PCDH9: variants seen among roughly 807,000 people sequenced by gnomAD.
PCDH9 encodes protocadherin-9.
PCDH9 carries 24 observed loss-of-function variants against 70.6 expected under a neutral mutation model. The observed-to-expected ratio is 0.34, with a 90% CI of 0.25 to 0.48. The LOEUF (loss-of-function observed/expected upper bound fraction) is 0.48. Ranked by LOEUF, PCDH9 falls within the 20% of genes least tolerant of loss-of-function variation. PCDH9 has a pLI of 0.99. For missense variants in PCDH9, 1,281 were observed against 1,503.6 expected (o/e 0.85, Z 2.45); for synonymous variants, 562 against 558.5 (o/e 1.01, Z -0.09).
chr13:66,574,050 T>C (rs536069383), intron 4 of PCDH9, among the ~76,000 whole-genome samples: 1 of 152,324 alleles, frequency 6.6e-6, no homozygotes, highest in Admixed American at 6.5e-5. Flanking sequence ...AAACACCACC[T>C]GTCAATAAAT....
chr13:67,186,100 A>T (rs546387010), intron 2 of PCDH9, among the ~76,000 whole-genome samples: 2 of 152,210 alleles, frequency 1.3e-5, no homozygotes, highest in African/African-American at 4.8e-5. Context: ...TAAAATATTT[A>T]TATATATAAA....
Position 67,228,076 on chromosome 13 carries a change from A to T in PCDH9, c.365T>A (p.Phe122Tyr), listed in dbSNP as rs554026094. 2.7e-5 allele frequency: 43 copies of T among 1,614,086 alleles called. No individual in the cohort carries two copies. In the African/African-American group the frequency reaches 3.7e-4, roughly 14 times the overall value. Residue 122 changes from phenylalanine (F) to tyrosine (Y), a missense_variant, in exon 2 of 5, where the codon TTC becomes TAC. Phe to Tyr is a conservative substitution (Grantham distance 22). This residue lies in a region of PCDH9 where 798 missense variants were observed against 1,003.1 expected (regional missense o/e 0.80). Coordinates refer to ENST00000377865, the MANE Select transcript of PCDH9 (RefSeq NM_203487.3). The stretch of plus-strand genomic sequence containing the variant: ...TATTTTTATTTTGATCAGCCTGAAG[A>T]AATCATTGGGGAGGATCACCACCTC... ...ELEVVILPNDFFRLIKIKIIV... is the reference protein window; with the variant it reads ...ELEVVILPNDYFRLIKIKIIV...
At chr13:66,804,271 G>T (rs1266187309) in intron 3 of PCDH9, among the ~76,000 whole-genome samples, 1 of 152,088 alleles carries the variant, frequency 6.6e-6, no homozygotes, top group Non-Finnish European at 1.5e-5. Flanking sequence ...GCCTTTCCAA[G>T]GTTTTGTTTA....
intron 4 of PCDH9, among the ~76,000 whole-genome samples, chr13:66,489,757 T>A (rs541267118): frequency 6.6e-6 from 1 of 152,240 alleles, no homozygotes; most frequent in African/African-American, 2.4e-5. Context: ...ACAAAATGAG[T>A]GAAGAAGCCT....
At chr13:67,062,119 G>A (rs1413460994) in intron 2 of PCDH9, among the ~76,000 whole-genome samples, 5 of 152,140 alleles carry the variant, frequency 3.3e-5, no homozygotes, top group Non-Finnish European at 5.9e-5. Flanking sequence ...CAGCTTGGGC[G>A]ATGTGTCTTA....
chr13:67,208,778 G>T (rs1291430705), intron 2 of PCDH9: 1 of 152,144 alleles, frequency 6.6e-6, no homozygotes, highest in South Asian at 2.1e-4. Flanking sequence ...TCTTTGATAC[G>T]AGTAGTTGGA....
intron 4 of PCDH9, among the ~76,000 whole-genome samples, chr13:66,442,882 T>C (rs973450843): frequency 6.6e-6 from 1 of 152,214 alleles, no homozygotes; most frequent in African/African-American, 2.4e-5. Context: ...CTAATTTACC[T>C]TCATGATTAA....
At chr13:66,551,823 G>A (rs777403259) in intron 4 of PCDH9, among the ~76,000 whole-genome samples, 3 of 152,090 alleles carry the variant, frequency 2.0e-5, no homozygotes, top group Non-Finnish European at 4.4e-5. Context: ...CACATATAAT[G>A]TAGGACAGCA....
intron 2 of PCDH9, chr13:66,914,927 T>C (rs756576323): frequency 5.9e-5 from 9 of 151,732 alleles, no homozygotes; most frequent in Admixed American, 2.0e-4. Flanking sequence ...TGTGTGTTTT[T>C]TTCCTGCAGT....
chr13:67,045,099 G>A (rs1394101232), intron 2 of PCDH9, among the ~76,000 whole-genome samples: 3 of 152,090 alleles, frequency 2.0e-5, no homozygotes, highest in Non-Finnish European at 4.4e-5. Context: ...GGACAGGACA[G>A]GTTTATTCAG....
intron 3 of PCDH9, among the ~76,000 whole-genome samples, chr13:66,698,450 GCTA>G (rs1220101656): frequency 3.3e-5 from 5 of 152,180 alleles, no homozygotes; most frequent in Admixed American, 1.3e-4. Context: ...TTTACATAGT[GCTA>G]CTACTATTTG....
chr13:66,629,241 G>T (rs1456037240), intron 4 of PCDH9, among the ~76,000 whole-genome samples: 5 of 152,146 alleles, frequency 3.3e-5, no homozygotes, highest in African/African-American at 1.2e-4. Flanking sequence ...AACAATTTGT[G>T]CAACTGTTTT....
intron 3 of PCDH9, among the ~76,000 whole-genome samples, chr13:66,790,299 T>A (rs1013647755): frequency 3.3e-5 from 5 of 152,282 alleles, no homozygotes; most frequent in Non-Finnish European, 7.4e-5. Context: ...GGTTGTTTTC[T>A]TATTGATTCC....
At chr13:66,411,894 G>A (rs1957376739) in intron 4 of PCDH9, among the ~76,000 whole-genome samples, 1 of 152,052 alleles carries the variant, frequency 6.6e-6, no homozygotes, top group Non-Finnish European at 1.5e-5. Context: ...TAGAATGGGG[G>A]GCTGCTCCCA....
intron 4 of PCDH9, among the ~76,000 whole-genome samples, chr13:66,471,661 T>A (rs1958621974): frequency 6.6e-6 from 1 of 152,210 alleles, no homozygotes; most frequent in Non-Finnish European, 1.5e-5. Flanking sequence ...AATTATTATC[T>A]TTTTTCACAT....
At chr13:66,928,058 C>G (rs2082744480) in intron 2 of PCDH9, among the ~76,000 whole-genome samples, 1 of 152,056 alleles carries the variant, frequency 6.6e-6, no homozygotes, top group African/African-American at 2.4e-5. Flanking sequence ...AGGAAAGACA[C>G]ATTTAACATA....
At chr13:66,320,563 T>C (rs1467906199) in intron 4 of PCDH9, among the ~76,000 whole-genome samples, 1 of 152,024 alleles carries the variant, frequency 6.6e-6, no homozygotes, top group Non-Finnish European at 1.5e-5. Flanking sequence ...GAGTATTTTT[T>C]ATCTGTCTGA....
At chr13:67,015,245 C>A (rs2084536982) in intron 2 of PCDH9, among the ~76,000 whole-genome samples, 1 of 152,126 alleles carries the variant, frequency 6.6e-6, no homozygotes, top group Admixed American at 6.6e-5. Context: ...ACTCCCTGGA[C>A]AGGCTCACTG....
At chr13:66,435,741 C>A (rs1957857599) in intron 4 of PCDH9, among the ~76,000 whole-genome samples, 1 of 152,172 alleles carries the variant, frequency 6.6e-6, no homozygotes, top group African/African-American at 2.4e-5. Context: ...TGAAATGCTT[C>A]TGTTTTAATC....
Sources: gnomAD v4.1 joint callset for allele counts (sites outside exome capture counted in the v4.1 genomes callset) on GRCh38, gnomAD v4.1.1 for gene constraint, gnomAD v4.1.1 regional missense constraint, MANE v1.5 for transcripts, NCBI Gene and HGNC (gene_info 2026-07-23, HGNC 2026-07-21) for gene names.